WDFY1: variants seen among roughly 807,000 people sequenced by gnomAD.
WDFY1 encodes WD repeat and FYVE domain containing 1.
A neutral mutation model predicts 56.4 loss-of-function variants in WDFY1; 32 were observed. The observed-to-expected ratio is 0.57, with a 90% CI of 0.43 to 0.76. The LOEUF (loss-of-function observed/expected upper bound fraction) is 0.76. WDFY1 is among the 30% of genes least tolerant of loss of function. The probability of loss-of-function intolerance (pLI) is 0.00; values close to 1 mark genes in which losing one functional copy is unlikely to be tolerated. For missense variants in WDFY1, 480 were observed against 545.7 expected, an observed-to-expected ratio of 0.88 and a Z score of 1.20; for synonymous variants, 192 against 197.3, an observed-to-expected ratio of 0.97 and a Z score of 0.23.
At chr2:223,942,550 A>C (rs1689326569) in intron 1 of WDFY1, among the ~76,000 whole-genome samples, 1 of 10,948 alleles carries the variant, frequency 9.1e-5, no homozygotes, top group African/African-American at 2.9e-4. Context: ...TTTTTTTGAG[A>C]CGGAGTCTCG....
chr2:223,907,729 T>C (rs2106086313), intron 3 of WDFY1, among the ~76,000 whole-genome samples: 1 of 152,362 alleles, frequency 6.6e-6, no homozygotes, highest in Non-Finnish European at 1.5e-5. Flanking sequence ...CAGCATTCAC[T>C]ACTGTGTCAT....
intron 3 of WDFY1, among the ~76,000 whole-genome samples, chr2:223,906,810 G>A (rs867132359): frequency 9.2e-5 from 14 of 151,914 alleles, no homozygotes; most frequent in Middle Eastern, 6.8e-3. Context: ...GTGAGCCACT[G>A]CACCTGGCCC....
intron 4 of WDFY1, among the ~76,000 whole-genome samples, chr2:223,902,642 G>A (rs1024132370): frequency 3.3e-5 from 5 of 152,072 alleles, no homozygotes; most frequent in Admixed American, 1.3e-4. Flanking sequence ...CTGTCTCAGC[G>A]TCTGATGTGG....
At chr2:223,923,239 G>C (rs113565494) in intron 1 of WDFY1, among the ~76,000 whole-genome samples, 11 of 152,194 alleles carry the variant, frequency 7.2e-5, no homozygotes, top group African/African-American at 2.4e-4. Flanking sequence ...TGTACCCCAA[G>C]AACCTATTAA....
intron 1 of WDFY1, among the ~76,000 whole-genome samples, chr2:223,934,796 C>T (rs571582423): frequency 3.3e-5 from 5 of 152,360 alleles, no homozygotes; most frequent in Admixed American, 3.3e-4. Context: ...GCTGGGGTTA[C>T]AGGCATGAGC....
chr2:223,886,833 A>G (rs986737942), intron 8 of WDFY1, among the ~76,000 whole-genome samples: 2 of 151,718 alleles, frequency 1.3e-5, no homozygotes, highest in Non-Finnish European at 2.9e-5. Flanking sequence ...ATATTAATAT[A>G]TTTGGTGGTT....
chr2:223,904,304 T>A (rs1194309466), intron 4 of WDFY1, among the ~76,000 whole-genome samples: 1 of 152,244 alleles, frequency 6.6e-6, no homozygotes, highest in Non-Finnish European at 1.5e-5. Flanking sequence ...CAGGCAGGAG[T>A]GCAGTGGTGC....
At position 223,878,487 on chromosome 2, in the gene WDFY1, T is replaced by C; in HGVS notation, c.*184A>G. 1.1e-5 allele frequency: 6 copies of C among 565,798 alleles called. No homozygotes were observed. Among genetic ancestry groups the C allele is most frequent in the Non-Finnish European group, 1.9e-5 (6 of 313,404 alleles). 35.0% of individuals were successfully genotyped at this position (565,798 alleles called of 1,614,324 possible). A position where few individuals can be genotyped will look rare whatever the true frequency, so the allele number is the denominator to read the frequency against. On this transcript the variant is annotated 3_prime_UTR_variant, in exon 12 of 12. Coordinates refer to ENST00000233055, the MANE Select transcript of WDFY1 (RefSeq NM_020830.5). ...CCACTATGGACAGACCTTTTCCATA[T>C]TAGTCCCCATGGGTAAGTTCCACAA...
intron 1 of WDFY1, among the ~76,000 whole-genome samples, chr2:223,941,325 G>A (rs1234761293): frequency 4.6e-5 from 7 of 151,934 alleles, no homozygotes; most frequent in Admixed American, 4.6e-4. Context: ...CTAGCTCTCA[G>A]TCTTCTCTGT....
intron 1 of WDFY1, among the ~76,000 whole-genome samples, chr2:223,929,410 A>C (rs1241262425): frequency 1.3e-5 from 2 of 150,016 alleles, no homozygotes; most frequent in Admixed American, 6.6e-5. Context: ...CTGGTCTTGA[A>C]CTCCTGACCT....
intron 1 of WDFY1, among the ~76,000 whole-genome samples, chr2:223,922,726 G>A (rs1693906995): frequency 6.6e-6 from 1 of 152,210 alleles, no homozygotes; most frequent in South Asian, 2.1e-4. Flanking sequence ...CTCATGGAAA[G>A]AAGGGCACAA....
In WDFY1 at chr2:223,878,659, C is replaced by T. The variant is rs773614344; in HGVS notation, c.*12G>A. 8 of 1,608,000 alleles carry T rather than the reference C, an allele frequency of 5.0e-6. No individual in the cohort carries two copies. In the South Asian group the frequency reaches 8.8e-5, roughly 18 times the overall value. ...TGCTGTTCTTAGGTGTGGACGCCGC[C>T]CAGCTCTCAGATCAGTGCGGAGAAA... On this transcript the variant is annotated 3_prime_UTR_variant, in exon 12 of 12. Transcript: ENST00000233055.
intron 1 of WDFY1, among the ~76,000 whole-genome samples, chr2:223,942,835 C>T (rs1174161314): frequency 6.6e-6 from 1 of 150,574 alleles, no homozygotes; most frequent in Non-Finnish European, 1.5e-5. Flanking sequence ...GCGCCCGGCC[C>T]AAAGGCTAAC....
chr2:223,900,862 G>T, intron 5 of WDFY1: 1 of 209,150 alleles, frequency 4.8e-6, no homozygotes, highest in Non-Finnish European at 9.5e-6. Context: ...AATGGGCTTG[G>T]GTTTTCCACA....
At chr2:223,925,256 C>T (rs1693959050) in intron 1 of WDFY1, among the ~76,000 whole-genome samples, 1 of 150,586 alleles carries the variant, frequency 6.6e-6, no homozygotes, top group Admixed American at 6.6e-5. Flanking sequence ...ATTATTATAA[C>T]CCTCAGAGAT....
intron 1 of WDFY1, among the ~76,000 whole-genome samples, chr2:223,924,286 A>C (rs920898747): frequency 1.3e-5 from 2 of 152,210 alleles, no homozygotes; most frequent in African/African-American, 2.4e-5. Flanking sequence ...AATATCTTCC[A>C]GGAACAGATG....
intron 8 of WDFY1, among the ~76,000 whole-genome samples, chr2:223,885,310 C>A (rs999333570): frequency 6.6e-6 from 1 of 152,044 alleles, no homozygotes; most frequent in Non-Finnish European, 1.5e-5. Flanking sequence ...CCTGCCTCAG[C>A]CTCCCGAATA....
At chr2:223,884,563 G>C in intron 9 of WDFY1, 85 bp downstream of exon 9, 1 of 1,290,498 alleles carries the variant, frequency 7.7e-7, no homozygotes, top group Non-Finnish European at 1.1e-6. Flanking sequence ...CAAAAACAAA[G>C]TGTGTTTCAA....
intron 1 of WDFY1, among the ~76,000 whole-genome samples, chr2:223,942,218 GCTAA>G (rs1689316471): frequency 6.6e-6 from 1 of 152,104 alleles, no homozygotes; most frequent in African/African-American, 2.4e-5. Flanking sequence ...AATAAAGGCT[GCTAA>G]CTTTTTTTTT....
Sources: allele counts gnomAD v4.1 joint callset (sites outside exome capture counted in the v4.1 genomes callset), GRCh38; gene constraint gnomAD v4.1.1; transcripts MANE v1.5; gene names NCBI Gene and HGNC (gene_info 2026-07-23, HGNC 2026-07-21).